PIWIL3: variants seen among roughly 807,000 people sequenced by gnomAD.
PIWIL3 encodes the protein piwi like RNA-mediated gene silencing 3, also known as piwi-like protein 3.
Under a neutral mutation model 109.7 loss-of-function variants are expected in PIWIL3, and 101 were observed. The ratio of observed to expected loss-of-function variants is 0.92; its 90% CI spans 0.78 to 1.09. PIWIL3 has a LOEUF of 1.09. Among genes scored for constraint, PIWIL3 ranks in the 50% least tolerant of loss-of-function variants. The probability of loss-of-function intolerance (pLI) is 0.00; values close to 1 mark genes in which losing one functional copy is unlikely to be tolerated. For synonymous variants in PIWIL3, 373 were observed against 376.4 expected, an observed-to-expected ratio of 0.99 and a Z score of 0.10; for missense variants, 1,031 against 1,072.6, an observed-to-expected ratio of 0.96 and a Z score of 0.54.
At chr22:24,740,149 T>A (rs1372034674) in intron 12 of PIWIL3, among the ~76,000 whole-genome samples, 1 of 129,804 alleles carries the variant, frequency 7.7e-6, no homozygotes, top group African/African-American at 3.0e-5. Context: ...ACCCAGGAGG[T>A]GGAGTTTGCA....
chr22:24,740,218 C>CAAAAAAA lies in PIWIL3; in HGVS notation c.1450-4333_1450-4327dup, dbSNP rs71189272. Among the ~76,000 whole-genome samples the CAAAAAAA allele has an allele frequency of 2.2e-3, 138 of 63,840 alleles. 4 individuals are homozygous for CAAAAAAA. Among genetic ancestry groups the CAAAAAAA allele is most frequent in the African/African-American group, 5.7e-3 (94 of 16,404 alleles). The allele number at this position is 63,840 out of a possible 152,430, so 41.9% of individuals were successfully genotyped here. ...CCTGGGCAACGGAGGGAGACTGTCT[C>CAAAAAAA]AAAAAAAAAAAAAAAATTTCTAAAA... On this transcript the variant is annotated intron_variant, in intron 12 of 20. Transcript: ENST00000616349.
At chr22:24,746,134 A>G (rs1257627977) in intron 12 of PIWIL3, among the ~76,000 whole-genome samples, 1 of 152,200 alleles carries the variant, frequency 6.6e-6, no homozygotes, top group Non-Finnish European at 1.5e-5. Context: ...ACACATCAAG[A>G]AAAGAAAACT....
Position 24,728,199 on chromosome 22 carries a change from G to A in PIWIL3, c.1883C>T (p.Ala628Val). Residue 628 changes from alanine (A) to valine (V), a missense_variant, in exon 15 of 21, where the codon GCC (alanine) becomes GTC (valine). By Grantham distance (64) the Ala-to-Val change is moderately conservative. Coordinates refer to ENST00000616349, the MANE Select transcript of PIWIL3 (RefSeq NM_001255975.1). ...TACGTCTGTCTCCACCTTCCAGAGGGCTCCTCCCATCTTGCAATTCATCTG... is the reference window on the plus strand; with the variant it reads ...TACGTCTGTCTCCACCTTCCAGAGGACTCCTCCCATCTTGCAATTCATCTG... ...AQQMNCKMGG[A>V]LWKVETDVQR... 6.2e-7 allele frequency: 1 copy of A among 1,614,180 alleles called. No homozygotes were observed. The highest frequency in any genetic ancestry group is 8.5e-7 in the Non-Finnish European group (1 of 1,180,042).
intron 14 of PIWIL3, among the ~76,000 whole-genome samples, chr22:24,732,029 C>T (rs1923380917): frequency 6.6e-6 from 1 of 152,196 alleles, no homozygotes; most frequent in Non-Finnish European, 1.5e-5. Context: ...TCTGTACCTA[C>T]CATAAAGAAA....
At chr22:24,739,491 A>C (rs1923851243) in intron 12 of PIWIL3, among the ~76,000 whole-genome samples, 1 of 152,204 alleles carries the variant, frequency 6.6e-6, no homozygotes, top group Non-Finnish European at 1.5e-5. Context: ...ATCTGGCAGC[A>C]GACTTTTCAG....
At chr22:24,762,131 G>A (rs1925475070) in intron 2 of PIWIL3, among the ~76,000 whole-genome samples, 1 of 152,220 alleles carries the variant, frequency 6.6e-6, no homozygotes, top group African/African-American at 2.4e-5. Flanking sequence ...CTGAAGCCAA[G>A]AAATCTAGAA....
At chr22:24,753,441 G>A (rs1042062030) in intron 8 of PIWIL3, among the ~76,000 whole-genome samples, 1 of 152,152 alleles carries the variant, frequency 6.6e-6, no homozygotes, top group African/African-American at 2.4e-5. Context: ...GTCAGCTGAC[G>A]AAGTGGAGGG....
Position 24,754,878 on chromosome 22 carries a change from G to T in PIWIL3, c.693-14C>A. 1 of 1,605,246 alleles carries T rather than the reference G, an allele frequency of 6.2e-7. No homozygotes were observed. Among genetic ancestry groups the T allele is most frequent in the South Asian group, 1.1e-5 (1 of 90,912 alleles). On this transcript the variant is annotated splice_polypyrimidine_tract_variant and intron_variant, in intron 6 of 20. Transcript: ENST00000616349. Reference sequence around the variant, plus strand: ...AGCTTGAAAGTTCTGGAAATGGAAAGAATAGATTTTGTTGAAAGTACAGGG... The same window carrying T: ...AGCTTGAAAGTTCTGGAAATGGAAATAATAGATTTTGTTGAAAGTACAGGG...
rs145919601 is a variant in PIWIL3, at chr22:24,728,001, C to T, written c.1958G>A (p.Arg653Gln). ...GIDCFHDIVN[R>Q]QKSIAGFVAS... is the part of the protein sequence containing the mutation. ...AACAAATCCTGCTATTGATTTCTGTCGATTTACGATATCGTGGAAACAATC... is the reference window on the plus strand; with the variant it reads ...AACAAATCCTGCTATTGATTTCTGTTGATTTACGATATCGTGGAAACAATC... Residue 653 changes from arginine (R) to glutamine (Q), a missense_variant, in exon 16 of 21, where the codon CGA becomes CAA. Transcript: ENST00000616349. 1.5e-4 allele frequency: 249 copies of T among 1,613,902 alleles called. 1 individual carries two copies. The African/African-American group carries it at 2.8e-3, about 18-fold the overall frequency.
intron 1 of PIWIL3, among the ~76,000 whole-genome samples, chr22:24,770,507 C>T (rs986856884): frequency 6.6e-6 from 1 of 151,654 alleles, no homozygotes; most frequent in Non-Finnish European, 1.5e-5. Context: ...TTTAGAAATT[C>T]CAGGGGAGGC....
intron 12 of PIWIL3, among the ~76,000 whole-genome samples, chr22:24,746,006 C>A (rs536658859): frequency 8.5e-5 from 13 of 152,304 alleles, no homozygotes; most frequent in Middle Eastern, 6.8e-3. Flanking sequence ...GATCGCTTCA[C>A]TGCTGAATTC....
rs371246992 is a variant in PIWIL3 at position 24,754,189 on chromosome 22, C to A, written c.802G>T (p.Val268Phe). The A allele has an allele frequency of 6.2e-7, 1 of 1,613,940 alleles. No individual in the cohort carries two copies. Among genetic ancestry groups the A allele is most frequent in the Non-Finnish European group, 8.5e-7 (1 of 1,179,868 alleles). ...TTTTCGTATTGAAGAACAGAAGTAA[C>A]ATAACCAAGCCAGATTTCCAAACTG... Reference protein sequence around the residue: ...GTSLEIWLGYVTSVLQYENSI... With the variant: ...GTSLEIWLGYFTSVLQYENSI... The change falls in exon 8 of 21, where the codon GTT becomes TTT. Residue 268 changes from valine to phenylalanine, a missense_variant. Val to Phe is a conservative substitution (Grantham distance 50, BLOSUM62 -1). Coordinates refer to ENST00000616349, the MANE Select transcript of PIWIL3 (RefSeq NM_001255975.1).
At chr22:24,734,680 G>T (rs560037832) in intron 13 of PIWIL3, among the ~76,000 whole-genome samples, 2 of 152,110 alleles carry the variant, frequency 1.3e-5, no homozygotes, top group Non-Finnish European at 2.9e-5. Context: ...GCTTGACCAG[G>T]TTCTCACAGT....
Position 24,749,484 on chromosome 22 carries a change from C to A in PIWIL3, c.1254G>T (p.Val418=). The part of the protein sequence containing the change: ...TDEICKDYSI[V]KELAKHTRLS... Reference sequence around the variant, plus strand: ...ATCTTGTATGTTTAGCCAATTCTTTCACAATGCTATAATCTTTACATATTT... The same window carrying A: ...ATCTTGTATGTTTAGCCAATTCTTTAACAATGCTATAATCTTTACATATTT... Residue 418 remains valine (V), a synonymous_variant, in exon 11 of 21, where the codon GTG becomes GTT. Coordinates refer to ENST00000616349, the MANE Select transcript of PIWIL3 (RefSeq NM_001255975.1). 6.2e-7 allele frequency: 1 copy of A among 1,613,586 alleles called. No individual in the cohort carries two copies. Among genetic ancestry groups the A allele is most frequent in the South Asian group, 1.1e-5 (1 of 91,068 alleles).
rs144752562 is a variant in PIWIL3, at chr22:24,750,046, C to G, written c.1090-227G>C. Reference sequence around the variant, plus strand: ...GCATACTTGGCCAAATACAGGACTCCCACCAAACATGACGCTGGAGTCGTC... The same window carrying G: ...GCATACTTGGCCAAATACAGGACTCGCACCAAACATGACGCTGGAGTCGTC... On this transcript the variant is annotated intron_variant, in intron 9 of 20. Transcript: ENST00000616349. 2.0e-5 allele frequency among the ~76,000 whole-genome samples: 3 copies of G among 152,296 alleles called. No homozygotes were observed. The East Asian group carries it at 5.8e-4, about 29-fold the overall frequency.
At chr22:24,728,154 G>T (rs773783966) in intron 15 of PIWIL3, 23 bp downstream of exon 15, 3 of 1,611,350 alleles carry the variant, frequency 1.9e-6, no homozygotes, top group Admixed American at 1.7e-5. Context: ...TAAGTTAAAC[G>T]AAGTCAGTGA....
At position 24,719,425 on chromosome 22, in the gene PIWIL3, G is replaced by C. The variant is rs747150972; in HGVS notation, c.*47C>G. On this transcript the variant is annotated 3_prime_UTR_variant, in exon 21 of 21. Transcript: ENST00000616349. ...ACATCCTGCTTCAAAAGGAAGACAG[G>C]CTTACACGTTGTGGTTTCATTAGCA... The C allele has an allele frequency of 4.4e-6, 6 of 1,367,372 alleles. No homozygotes were observed. Among genetic ancestry groups the C allele is most frequent in the South Asian group, 1.4e-5 (1 of 71,812 alleles). 84.7% of individuals were successfully genotyped at this position (1,367,372 alleles called of 1,614,324 possible).
At chr22:24,744,207 A>AAAAAAAAAAAAAAAAAAAAAAAAAAC in intron 12 of PIWIL3, among the ~76,000 whole-genome samples, 1 of 135,036 alleles carries the variant, frequency 7.4e-6, no homozygotes, top group Non-Finnish European at 1.6e-5. Context: ...AAAAAAAAAA[A>AAAAAAAAAAAAAAAAAAAAAAAAAAC]CAATGATCTG....
rs540560691 is a variant in PIWIL3 at position 24,763,432 on chromosome 22, C to T, written c.-22-911G>A. Among the ~76,000 whole-genome samples, 493 of 152,284 alleles carry T rather than the reference C, an allele frequency of 3.2e-3. 5 individuals carry two copies. The highest frequency in any genetic ancestry group is 0.011 in the African/African-American group (474 of 41,556). On this transcript the variant is annotated intron_variant, in intron 1 of 20. Transcript: ENST00000616349. ...TCTCCTGCCTCAGCCTCCTGAGTAG[C>T]TGGGATTACAGGCTCGTGCCACCAC...
Sources: allele counts gnomAD v4.1 joint callset (sites outside exome capture counted in the v4.1 genomes callset), GRCh38; gene constraint gnomAD v4.1.1; transcripts MANE v1.5; gene names NCBI Gene and HGNC (gene_info 2026-07-23, HGNC 2026-07-21).